The following ATRIP variants were observed in gnomAD, a reference collection of about 807,000 sequenced individuals.
ATRIP encodes the protein ATR-interacting protein.
In ATRIP, 44 loss-of-function variants were observed where a neutral mutation model predicts 78.1. The observed-to-expected ratio is 0.56, with a 90% confidence interval of 0.44 to 0.72. The LOEUF (loss-of-function observed/expected upper bound fraction) is 0.72, where lower values mean the gene tolerates loss of function less well. Ranked by LOEUF, ATRIP falls within the 30% of genes least tolerant of loss-of-function variation. The probability of loss-of-function intolerance (pLI) is 0.00; values close to 1 mark genes in which losing one functional copy is unlikely to be tolerated. For synonymous variants in ATRIP, 388 were observed against 408.9 expected (o/e 0.95, Z 0.62); for missense variants, 927 against 980.2 (o/e 0.95, Z 0.72).
intron 8 of ATRIP, among the ~76,000 whole-genome samples, chr3:48,463,521 C>T (rs2107235781): frequency 6.6e-6 from 1 of 152,074 alleles, no homozygotes; most frequent in East Asian, 1.9e-4. Flanking sequence ...CCTGTCCTCT[C>T]AGCTGCAGCA....
At chr3:48,458,270 A>G (rs1415814346) in intron 5 of ATRIP, among the ~76,000 whole-genome samples, 2 of 149,528 alleles carry the variant, frequency 1.3e-5, no homozygotes, top group Middle Eastern at 3.4e-3. Context: ...CACAGCATCA[A>G]TTGACCATGC....
intron 1 of ATRIP, among the ~76,000 whole-genome samples, chr3:48,449,121 T>C (rs770718959): frequency 3.3e-5 from 5 of 152,220 alleles, no homozygotes; most frequent in Non-Finnish European, 5.9e-5. Flanking sequence ...GAAGGATCAT[T>C]TATGAGTTTC....
chr3:48,464,958 A>G lies in ATRIP; in HGVS notation c.2183A>G (p.His728Arg). The part of the protein sequence containing the change: ...RCLRDTVLLL[H>R]GLSQKDKLFM... ...CTGCGGGACACGGTGCTGCTGCTGCACGGCCTATCGCAGAAGGACAAGCTC... is the reference window on the plus strand; with the variant it reads ...CTGCGGGACACGGTGCTGCTGCTGCGCGGCCTATCGCAGAAGGACAAGCTC... Residue 728 changes from histidine (H) to arginine (R), a missense_variant, in exon 12 of 13, where the codon CAC becomes CGC. Physicochemically the swap from His to Arg is conservative, Grantham distance 29. Coordinates refer to ENST00000320211, the MANE Select transcript of ATRIP (RefSeq NM_130384.3). 1 of 1,614,154 alleles carries G rather than the reference A, an allele frequency of 6.2e-7. No homozygotes were observed.
In ATRIP at chr3:48,450,087, G is replaced by A; in HGVS notation, c.298G>A (p.Gly100Arg). 1 of 1,613,570 alleles carries A rather than the reference G, an allele frequency of 6.2e-7. No individual in the cohort carries two copies. Among genetic ancestry groups the A allele is most frequent in the Non-Finnish European group, 8.5e-7 (1 of 1,179,744 alleles). ...LLDGMSKNPSGKNRETVPIKD... is the reference protein window; with the variant it reads ...LLDGMSKNPSRKNRETVPIKD... ...AGATGGCATGTCAAAAAATCCTTCA[G>A]GGAAAAACAGAGAAACTGTTCCAAT... is the stretch of plus-strand genomic sequence containing the variant. The change falls in exon 2 of 13, where the codon GGG becomes AGG. Residue 100 changes from glycine to arginine, a missense_variant. Physicochemically the swap from Gly to Arg is moderately radical, Grantham distance 125. Coordinates refer to ENST00000320211, the MANE Select transcript of ATRIP (RefSeq NM_130384.3).
At chr3:48,453,225 CAGT>C (rs1307454920) in intron 3 of ATRIP, among the ~76,000 whole-genome samples, 1 of 152,188 alleles carries the variant, frequency 6.6e-6, no homozygotes, top group Non-Finnish European at 1.5e-5. Context: ...GAAGGAAAAA[CAGT>C]AGGTATCCAG....
chr3:48,462,149 A>G (rs866414419), intron 8 of ATRIP, among the ~76,000 whole-genome samples: 22 of 151,952 alleles, frequency 1.4e-4, no homozygotes, highest in South Asian at 4.1e-4. Flanking sequence ...GCAACAAAGC[A>G]AGACTCCCAG....
At chr3:48,457,176 A>G (rs997886669) in intron 4 of ATRIP, 83 bp from the exon 5 acceptor site, 8 of 1,315,838 alleles carry the variant, frequency 6.1e-6, no homozygotes, top group African/African-American at 1.5e-5. Flanking sequence ...AAAAGTTTAA[A>G]GTTTGTTAGA....
Position 48,464,629 on chromosome 3 carries a change from A to C in ATRIP, c.2022A>C (p.Pro674=), listed in dbSNP as rs1575288023. The change falls in exon 11 of 13, where the codon CCA becomes CCC. Residue 674 remains proline, a synonymous_variant. Transcript: ENST00000320211. ...AKLGVQSPLP[P]VTGSNCQCNV... ...TTGGTGTGCAGAGCCCCTTGCCCCC[A>C]GTCACTGGCTCCAACTGCCAGTGTA... 6.2e-7 allele frequency: 1 copy of C among 1,614,162 alleles called. No homozygotes were observed. Among genetic ancestry groups the C allele is most frequent in the East Asian group, 2.2e-5 (1 of 44,882 alleles).
chr3:48,460,827 C>T, intron 8 of ATRIP, 28 bp downstream of exon 8: 1 of 1,557,970 alleles, frequency 6.4e-7, no homozygotes, highest in Non-Finnish European at 8.7e-7. Context: ...AGTCATGATT[C>T]TTTGTGGGTC....
At position 48,464,616 on chromosome 3, in the gene ATRIP, G is replaced by T; in HGVS notation, c.2009G>T (p.Ser670Ile). ...CTCCTGGCTAAGCTTGGTGTGCAGA[G>T]CCCCTTGCCCCCAGTCACTGGCTCC... The part of the protein sequence containing the change: ...VWLLAKLGVQ[S>I]PLPPVTGSNC... The change falls in exon 11 of 13, where the codon AGC becomes ATC. Residue 670 changes from serine (S) to isoleucine (I), a missense_variant. Transcript: ENST00000320211. 6.2e-7 allele frequency: 1 copy of T among 1,614,146 alleles called. No individual in the cohort carries two copies. The highest frequency in any genetic ancestry group is 8.5e-7 in the Non-Finnish European group (1 of 1,179,986).
chr3:48,465,397 TC>T, intron 12 of ATRIP, 89 bp from the exon 13 acceptor site: 1 of 1,334,218 alleles, frequency 7.5e-7, no homozygotes, highest in Non-Finnish European at 1.1e-6. Flanking sequence ...ACTGGTTAGT[TC>T]CTGCGGACGT....
At chr3:48,455,091 G>A (rs1018581112) in intron 4 of ATRIP, among the ~76,000 whole-genome samples, 1 of 152,110 alleles carries the variant, frequency 6.6e-6, no homozygotes, top group Non-Finnish European at 1.5e-5. Context: ...TCAAACTCCT[G>A]GACTCAAATG....
In ATRIP at chr3:48,457,349, T is replaced by C. The variant is rs1297079892; in HGVS notation, c.762T>C (p.Ser254=). 1.2e-6 allele frequency: 2 copies of C among 1,608,768 alleles called. No homozygotes were observed. The highest frequency in any genetic ancestry group is 1.7e-6 in the Non-Finnish European group (2 of 1,177,792). Residue 254 remains serine, a synonymous_variant, in exon 5 of 13, where the codon AGT becomes AGC. Transcript: ENST00000320211. Reference sequence around the variant, plus strand: ...CTTTTCCTACAAAGGAGTCTTTTAGTGCTAACATGTCCCTTCCCCACCCCT... The same window carrying C: ...CTTTTCCTACAAAGGAGTCTTTTAGCGCTAACATGTCCCTTCCCCACCCCT... The part of the protein sequence containing the change: ...KTSFPTKESF[S]ANMSLPHPCQ...
Position 48,466,039 on chromosome 3 carries a change from A to G in ATRIP, c.*485A>G. On this transcript the variant is annotated 3_prime_UTR_variant, in exon 13 of 13. Coordinates refer to ENST00000320211, the MANE Select transcript of ATRIP (RefSeq NM_130384.3). ...GTCCTTCCAGCTGCCTGTCACTGGTATGATGGCCCCGGTGCATTGTGCCAC... is the reference window on the plus strand; with the variant it reads ...GTCCTTCCAGCTGCCTGTCACTGGTGTGATGGCCCCGGTGCATTGTGCCAC... 3.1e-6 allele frequency: 1 copy of G among 321,696 alleles called. No individual in the cohort carries two copies. 19.9% of individuals were successfully genotyped at this position (321,696 alleles called of 1,614,324 possible). A position where few individuals can be genotyped will look rare whatever the true frequency, so the allele number is the denominator to read the frequency against.
Position 48,467,565 on chromosome 3 carries a change from C to CTGTA in ATRIP, c.*2014_*2017dup. 6.2e-7 allele frequency: 1 copy of CTGTA among 1,613,618 alleles called. No individual in the cohort carries two copies. The highest frequency in any genetic ancestry group is 8.5e-7 in the Non-Finnish European group (1 of 1,179,800). On this transcript the variant is annotated 3_prime_UTR_variant, in exon 13 of 13. Transcript: ENST00000320211. ...CATCCTGACCTTGGCAGTAGCCACACTGTATGGACTATCCCTGGCCACACC... is the reference window on the plus strand; with the variant it reads ...CATCCTGACCTTGGCAGTAGCCACACTGTATGTATGGACTATCCCTGGCCACACC...
At position 48,466,933 on chromosome 3, in the gene ATRIP, C is replaced by T. The variant is rs1386396939; in HGVS notation, c.*1379C>T. The T allele has an allele frequency of 6.2e-7, 1 of 1,611,496 alleles. No individual in the cohort carries two copies. Among genetic ancestry groups the T allele is most frequent in the Non-Finnish European group, 8.5e-7 (1 of 1,180,016 alleles). On this transcript the variant is annotated 3_prime_UTR_variant, in exon 13 of 13. Transcript: ENST00000320211. ...ACAGGTCTGAGCACAGCTGTGCTGG[C>T]AGCGCATGGGCGTCAATGTTTTGAT... is the stretch of plus-strand genomic sequence containing the variant.
intron 2 of ATRIP, among the ~76,000 whole-genome samples, chr3:48,450,903 A>G (rs966467149): frequency 1.3e-5 from 2 of 151,504 alleles, no homozygotes; most frequent in African/African-American, 2.4e-5. Context: ...AGCCTAAAGA[A>G]TCCGGCCAGG....
chr3:48,455,493 A>G (rs757119966), intron 4 of ATRIP, among the ~76,000 whole-genome samples: 2 of 151,256 alleles, frequency 1.3e-5, no homozygotes, highest in Non-Finnish European at 2.9e-5. Context: ...ATTCTATTGG[A>G]AGTCTTTTTT....
At chr3:48,464,715 GC>G (rs1575288227) in intron 11 of ATRIP, 53 bp downstream of exon 11, 2 of 1,613,322 alleles carry the variant, frequency 1.2e-6, no homozygotes, top group East Asian at 4.5e-5. Flanking sequence ...GGGGCCCCGT[GC>G]AAGGACTGTA....
Sources: allele counts gnomAD v4.1 joint callset (sites outside exome capture counted in the v4.1 genomes callset), GRCh38; gene constraint gnomAD v4.1.1; transcripts MANE v1.5; gene names NCBI Gene and HGNC (gene_info 2026-07-23, HGNC 2026-07-21).